GPCPD1: variants seen among roughly 807,000 people sequenced by gnomAD.
The protein encoded by GPCPD1 is glycerophosphocholine phosphodiesterase 1.
In GPCPD1, 29 loss-of-function variants were observed where a neutral mutation model predicts 89.2. The ratio of observed to expected loss-of-function variants is 0.33; its 90% CI spans 0.24 to 0.44. The LOEUF (loss-of-function observed/expected upper bound fraction) is 0.44. Ranked by LOEUF, GPCPD1 falls within the 20% of genes least tolerant of loss-of-function variation. The probability of loss-of-function intolerance (pLI) is 1.00; values close to 1 mark genes in which losing one functional copy is unlikely to be tolerated. For missense variants in GPCPD1, 594 were observed against 808.9 expected, an observed-to-expected ratio of 0.73 and a Z score of 3.22; for synonymous variants, 258 against 266.3, an observed-to-expected ratio of 0.97 and a Z score of 0.30.
At chr20:5,574,624 G>A (rs537684079) in intron 10 of GPCPD1, among the ~76,000 whole-genome samples, 2 of 152,090 alleles carry the variant, frequency 1.3e-5, no homozygotes, top group South Asian at 4.1e-4. Context: ...TGTGGTTCCA[G>A]ACACTGGGGA....
rs1388325272 is a variant in GPCPD1 at position 5,566,597 on chromosome 20, T to A, written c.1267+136A>T. On this transcript the variant is annotated intron_variant, in intron 14 of 19. Transcript: ENST00000379019. Reference sequence around the variant, plus strand: ...AACAAATGCAAATTCATTTCCGAACTATAAAATTACATTTAGAAGGCCCAG... The same window carrying A: ...AACAAATGCAAATTCATTTCCGAACAATAAAATTACATTTAGAAGGCCCAG... 9 of 601,680 alleles carry A rather than the reference T, an allele frequency of 1.5e-5. No homozygotes were observed. In the Admixed American group the frequency reaches 2.7e-4, roughly 18 times the overall value. The allele number at this position is 601,680 out of a possible 1,614,324, so 37.3% of individuals were successfully genotyped here.
chr20:5,564,118 T>C lies in GPCPD1; in HGVS notation c.1329+899A>G, dbSNP rs144370249. Among the ~76,000 whole-genome samples the C allele has an allele frequency of 4.9e-3, 748 of 152,282 alleles. 6 individuals carry two copies. The highest frequency in any genetic ancestry group is 0.017 in the African/African-American group (706 of 41,556). On this transcript the variant is annotated intron_variant, in intron 15 of 19. Coordinates refer to ENST00000379019, the MANE Select transcript of GPCPD1 (RefSeq NM_019593.5). Reference sequence around the variant, plus strand: ...GCAGAGCCAGCATCTCCTTGGCATCTGTGTGGGCTTTCCTGATGCTGTCAA... The same window carrying C: ...GCAGAGCCAGCATCTCCTTGGCATCCGTGTGGGCTTTCCTGATGCTGTCAA...
chr20:5,580,511 G>A (rs1386032366), intron 6 of GPCPD1, among the ~76,000 whole-genome samples: 3 of 152,014 alleles, frequency 2.0e-5, no homozygotes, highest in Non-Finnish European at 2.9e-5. Flanking sequence ...GGATTACGAA[G>A]TCAGGAGATT....
intron 4 of GPCPD1, among the ~76,000 whole-genome samples, chr20:5,588,149 C>A (rs1409364420): frequency 6.6e-6 from 1 of 152,188 alleles, no homozygotes; most frequent in Non-Finnish European, 1.5e-5. Context: ...TTTACTATAA[C>A]ATTTTTCCTG....
intron 7 of GPCPD1, among the ~76,000 whole-genome samples, chr20:5,579,057 T>C (rs982344689): frequency 4.6e-4 from 70 of 151,900 alleles, no homozygotes; most frequent in African/African-American, 1.6e-3. Flanking sequence ...ATGTGTCACA[T>C]GCCTGTAGTC....
At position 5,547,853 on chromosome 20, in the gene GPCPD1, A is replaced by C; in HGVS notation, c.1830-3T>G. The C allele has an allele frequency of 6.5e-7, 1 of 1,540,524 alleles. No individual in the cohort carries two copies. Among genetic ancestry groups the C allele is most frequent in the Non-Finnish European group, 8.9e-7 (1 of 1,121,478 alleles). The stretch of plus-strand genomic sequence containing the variant: ...GTTCAGGCATCCAATCATATATCCT[A>C]TGATGAAACAAATACAAAACACATA... On this transcript the variant is annotated splice_polypyrimidine_tract_variant and splice_region_variant and intron_variant, in intron 19 of 19. Coordinates refer to ENST00000379019, the MANE Select transcript of GPCPD1 (RefSeq NM_019593.5).
chr20:5,572,792 A>G (rs1986795328), intron 11 of GPCPD1, among the ~76,000 whole-genome samples: 1 of 132,676 alleles, frequency 7.5e-6, no homozygotes, highest in Admixed American at 7.6e-5. Context: ...TAAAAAACAG[A>G]CTCTAACTGG....
intron 4 of GPCPD1, among the ~76,000 whole-genome samples, chr20:5,590,570 A>T (rs914862020): frequency 4.7e-5 from 7 of 150,078 alleles, no homozygotes; most frequent in African/African-American, 1.7e-4. Context: ...TTTTTAGTAC[A>T]ACCAGTAAAA....
intron 3 of GPCPD1, among the ~76,000 whole-genome samples, chr20:5,597,827 G>A (rs1490788587): frequency 6.6e-6 from 1 of 152,064 alleles, no homozygotes; most frequent in East Asian, 1.9e-4. Flanking sequence ...TCCATCCACT[G>A]TGCCCATACT....
In GPCPD1 at chr20:5,594,483, C is replaced by T. The variant is rs750001823; in HGVS notation, c.147-1072G>A. On this transcript the variant is annotated intron_variant, in intron 3 of 19. Transcript: ENST00000379019. Reference sequence around the variant, plus strand: ...TTTGTTTTTTTATTTTTAGTAGAGACGGGTTTCACCGCATTAGCCAGGATG... The same window carrying T: ...TTTGTTTTTTTATTTTTAGTAGAGATGGGTTTCACCGCATTAGCCAGGATG... Among the ~76,000 whole-genome samples the T allele has an allele frequency of 3.3e-5, 5 of 151,990 alleles. No individual in the cohort carries two copies. The East Asian group carries it at 9.7e-4, about 29-fold the overall frequency.
Position 5,576,042 on chromosome 20 carries a change from C to T in GPCPD1, c.706-64G>A, listed in dbSNP as rs761824871. On this transcript the variant is annotated intron_variant, in intron 8 of 19. Transcript: ENST00000379019. The stretch of plus-strand genomic sequence containing the variant: ...CTTCTACATTACATACATACATATA[C>T]ACACACACACACACACACAGACACA... 58 of 182,194 alleles carry T rather than the reference C, an allele frequency of 3.2e-4. 1 individual carries two copies. The highest frequency in any genetic ancestry group is 4.4e-4 in the Non-Finnish European group (44 of 100,788). 11.3% of individuals were successfully genotyped at this position (182,194 alleles called of 1,614,324 possible).
rs1980675193 is a variant in GPCPD1 at position 5,607,557 on chromosome 20, AAC to A, written c.-28-3119_-28-3118del. On this transcript the variant is annotated intron_variant, in intron 1 of 19. Coordinates refer to ENST00000379019, the MANE Select transcript of GPCPD1 (RefSeq NM_019593.5). ...CATGCCACTGCACTCCAGCCTGGGC[AAC>A]AGAGGGAGACTCCATCTCAAAAAAG... 2.0e-5 allele frequency among the ~76,000 whole-genome samples: 3 copies of A among 152,114 alleles called. No homozygotes were observed. The South Asian group carries it at 6.2e-4, about 32-fold the overall frequency.
intron 19 of GPCPD1, among the ~76,000 whole-genome samples, chr20:5,548,099 A>T (rs1029469600): frequency 2.0e-5 from 3 of 152,226 alleles, no homozygotes; most frequent in Non-Finnish European, 4.4e-5. Flanking sequence ...GGAGCTCAAC[A>T]TAAAGCAGCT....
chr20:5,595,807 G>GGT (rs1555809537), intron 3 of GPCPD1, among the ~76,000 whole-genome samples: 1 of 54,936 alleles, frequency 1.8e-5, no homozygotes, highest in Non-Finnish European at 4.0e-5. Flanking sequence ...AAGAAAAAAA[G>GGT]GGGGGGGGAC....
At chr20:5,557,219 C>T (rs1295023525) in intron 19 of GPCPD1, among the ~76,000 whole-genome samples, 5 of 152,100 alleles carry the variant, frequency 3.3e-5, no homozygotes, top group Non-Finnish European at 7.4e-5. Context: ...TTTTAAGTAG[C>T]AACATGATCA....
At chr20:5,590,397 G>C (rs954611589) in intron 4 of GPCPD1, among the ~76,000 whole-genome samples, 3 of 151,726 alleles carry the variant, frequency 2.0e-5, no homozygotes, top group Non-Finnish European at 4.4e-5. Context: ...ATAAAAATTA[G>C]CCAGGCATAG....
At chr20:5,557,342 G>A (rs1985831633) in intron 19 of GPCPD1, among the ~76,000 whole-genome samples, 1 of 152,220 alleles carries the variant, frequency 6.6e-6, no homozygotes, top group Non-Finnish European at 1.5e-5. Flanking sequence ...CCACACCAAA[G>A]ATGAGCTGCT....
intron 7 of GPCPD1, among the ~76,000 whole-genome samples, 153 bp downstream of exon 7, chr20:5,579,855 G>A (rs535947820): frequency 1.3e-5 from 2 of 152,228 alleles, no homozygotes; most frequent in South Asian, 4.1e-4. Flanking sequence ...AATCTGAGCG[G>A]GGATAAGTAG....
At chr20:5,590,956 CT>C (rs1434394385) in intron 4 of GPCPD1, among the ~76,000 whole-genome samples, 5 of 151,920 alleles carry the variant, frequency 3.3e-5, no homozygotes, top group African/African-American at 1.2e-4. Context: ...GAAAAACTGG[CT>C]AACATTTGAC....
Sources: allele counts gnomAD v4.1 joint callset (sites outside exome capture counted in the v4.1 genomes callset), GRCh38; gene constraint gnomAD v4.1.1; transcripts MANE v1.5; gene names NCBI Gene and HGNC (gene_info 2026-07-23, HGNC 2026-07-21).